Variants in TNFRSF1B observed in about 807,000 individuals in gnomAD.
TNFRSF1B encodes TNF receptor superfamily member 1B.
In TNFRSF1B, 19 loss-of-function variants were observed where a neutral mutation model predicts 44.6. That is an observed-to-expected ratio of 0.43 (90% CI 0.30 to 0.62). TNFRSF1B has a LOEUF of 0.62. TNFRSF1B is among the 20% of genes least tolerant of loss of function. The probability of loss-of-function intolerance (pLI) is 0.16; values close to 1 mark genes in which losing one functional copy is unlikely to be tolerated. For synonymous variants in TNFRSF1B, 252 were observed against 261.1 expected, an observed-to-expected ratio of 0.97 and a Z score of 0.34; for missense variants, 541 against 619.9, an observed-to-expected ratio of 0.87 and a Z score of 1.35.
intron 8 of TNFRSF1B, among the ~76,000 whole-genome samples, chr1:12,195,905 G>C (rs1004631723): frequency 2.6e-5 from 4 of 152,184 alleles, no homozygotes; most frequent in Non-Finnish European, 5.9e-5. Flanking sequence ...ACTTAAGGGA[G>C]GCCAAGGTGG....
At chr1:12,193,914 TTTG>T (rs960018818) in intron 6 of TNFRSF1B, 38 bp from the exon 7 acceptor site, 2 of 1,575,612 alleles carry the variant, frequency 1.3e-6, no homozygotes, top group Non-Finnish European at 1.7e-6. Context: ...TACATTTGAG[TTTG>T]TTTTCTGTAG....
chr1:12,205,746 C>T (rs568319494), intron 9 of TNFRSF1B, among the ~76,000 whole-genome samples: 17 of 152,154 alleles, frequency 1.1e-4, no homozygotes, highest in East Asian at 3.9e-4. Context: ...CTCAGCCTCC[C>T]GAGTAGCTGG....
At chr1:12,194,434 G>A in intron 7 of TNFRSF1B, 150 bp from the exon 8 acceptor site, 2 of 754,764 alleles carry the variant, frequency 2.6e-6, no homozygotes, top group Admixed American at 2.4e-5. Flanking sequence ...GAGTTGGGTG[G>A]GGGCTTCTGT....
At chr1:12,173,552 C>T (rs780799914) in intron 1 of TNFRSF1B, among the ~76,000 whole-genome samples, 1 of 152,156 alleles carries the variant, frequency 6.6e-6, no homozygotes, top group Non-Finnish European at 1.5e-5. Context: ...TTTTCAAGTT[C>T]GGGAGCTAGA....
chr1:12,197,653 T>C (rs888345651), intron 8 of TNFRSF1B, among the ~76,000 whole-genome samples: 4 of 152,130 alleles, frequency 2.6e-5, no homozygotes, highest in African/African-American at 9.7e-5. Flanking sequence ...TTGAATCAGG[T>C]TTATGCCTGT....
At position 12,191,827 on chromosome 1, in the gene TNFRSF1B, AGGCCCGGCT is replaced by A. The variant is rs1639140373; in HGVS notation, c.364_372del (p.Pro122_Trp124del). The A allele has an allele frequency of 6.2e-7, 1 of 1,613,226 alleles. No homozygotes were observed. Among genetic ancestry groups the A allele is most frequent in the Non-Finnish European group, 8.5e-7 (1 of 1,179,806 alleles). On this transcript the variant is annotated inframe_deletion, in exon 4 of 10. Transcript: ENST00000376259. Reference sequence around the variant, plus strand: ...GGAACAGAACCGCATCTGCACCTGCAGGCCCGGCTGGTACTGCGCGCTGAGCAAGCAGGA... The same window carrying A: ...GGAACAGAACCGCATCTGCACCTGCAGGTACTGCGCGCTGAGCAAGCAGGA...
intron 1 of TNFRSF1B, among the ~76,000 whole-genome samples, chr1:12,174,586 T>G (rs527363641): frequency 1.3e-4 from 20 of 152,180 alleles, no homozygotes; most frequent in Non-Finnish European, 2.4e-4. Flanking sequence ...GTTGGAATTG[T>G]CACCCTGGAG....
In TNFRSF1B at chr1:12,207,118, G is replaced by A. The variant is rs1639523092; in HGVS notation, c.*98G>A. ...GGTCCTTCCAGGCCCCCACCACTAG[G>A]ACTCTGAGGCTCTTTCTGGGCCAAG... On this transcript the variant is annotated 3_prime_UTR_variant, in exon 10 of 10. Coordinates refer to ENST00000376259, the MANE Select transcript of TNFRSF1B (RefSeq NM_001066.3). 7.5e-7 allele frequency: 1 copy of A among 1,337,650 alleles called. No homozygotes were observed. Among genetic ancestry groups the A allele is most frequent in the Non-Finnish European group, 1.0e-6 (1 of 1,002,978 alleles). 82.9% of individuals were successfully genotyped at this position (1,337,650 alleles called of 1,614,324 possible).
chr1:12,191,814 C>T lies in TNFRSF1B; in HGVS notation c.348C>T (p.Arg116=). The change falls in exon 4 of 10, where the codon CGC becomes CGT. Residue 116 remains arginine (R), a synonymous_variant. Coordinates refer to ENST00000376259, the MANE Select transcript of TNFRSF1B (RefSeq NM_001066.3). ...ETQACTREQN[R]ICTCRPGWYC... Reference sequence around the variant, plus strand: ...AAGCCTGCACTCGGGAACAGAACCGCATCTGCACCTGCAGGCCCGGCTGGT... The same window carrying T: ...AAGCCTGCACTCGGGAACAGAACCGTATCTGCACCTGCAGGCCCGGCTGGT... The T allele has an allele frequency of 1.2e-6, 2 of 1,613,516 alleles. No individual in the cohort carries two copies. The highest frequency in any genetic ancestry group is 1.7e-6 in the Non-Finnish European group (2 of 1,179,808).
intron 1 of TNFRSF1B, among the ~76,000 whole-genome samples, chr1:12,183,446 TTC>T (rs33995912): frequency 0.82 from 120,597 of 147,238 alleles, 49,348 homozygotes; most frequent in East Asian, 0.97. Flanking sequence ...CTTTTATCTA[TTC>T]TCTCTCTCTC....
chr1:12,177,152 C>T lies in TNFRSF1B; in HGVS notation c.78+9983C>T, dbSNP rs1638677311. Among the ~76,000 whole-genome samples, 1 of 152,002 alleles carries T rather than the reference C, an allele frequency of 6.6e-6. No individual in the cohort carries two copies. Among genetic ancestry groups the T allele is most frequent in the South Asian group, 2.1e-4 (1 of 4,824 alleles). ...CAAGTAGCTGGGACTACAGGCGTGC[C>T]CCACCACGCCTGGCTAATTTTTTGT... On this transcript the variant is annotated intron_variant, in intron 1 of 9. Transcript: ENST00000376259. This position sits in a 1 kb window ranked among gnomAD's most constrained non-coding sequence, Gnocchi z 4.3.
chr1:12,184,053 T>G (rs1051353951), intron 1 of TNFRSF1B, among the ~76,000 whole-genome samples: 1 of 152,240 alleles, frequency 6.6e-6, no homozygotes, highest in African/African-American at 2.4e-5. Flanking sequence ...TATTTCCTCA[T>G]TTTAACATGT....
At chr1:12,179,273 A>T (rs1213644744) in intron 1 of TNFRSF1B, among the ~76,000 whole-genome samples, 2 of 152,134 alleles carry the variant, frequency 1.3e-5, no homozygotes, top group Non-Finnish European at 2.9e-5. Context: ...CCTAACGCAG[A>T]TGCCATTCCT....
rs1639550789 is a variant in TNFRSF1B at position 12,208,005 on chromosome 1, T to C, written c.*985T>C. The C allele has an allele frequency of 6.6e-6, 1 of 152,118 alleles. No homozygotes were observed. The highest frequency in any genetic ancestry group is 1.5e-5 in the Non-Finnish European group (1 of 68,026). 9.4% of individuals were successfully genotyped at this position (152,118 alleles called of 1,614,324 possible). On this transcript the variant is annotated 3_prime_UTR_variant, in exon 10 of 10. Coordinates refer to ENST00000376259, the MANE Select transcript of TNFRSF1B (RefSeq NM_001066.3). The stretch of plus-strand genomic sequence containing the variant: ...CCCAGAGGGCCCAGGCAGGCCACCA[T>C]ATTCAGTGCTGTGGCCTGGGCAAGA...
At position 12,177,860 on chromosome 1, in the gene TNFRSF1B, C is replaced by T. The variant is rs1444797076; in HGVS notation, c.78+10691C>T. Among the ~76,000 whole-genome samples, 2 of 152,080 alleles carry T rather than the reference C, an allele frequency of 1.3e-5. No individual in the cohort carries two copies. The highest frequency in any genetic ancestry group is 2.4e-5 in the African/African-American group (1 of 41,390). On this transcript the variant is annotated intron_variant, in intron 1 of 9. Transcript: ENST00000376259. The surrounding 1 kb of genome is among the most constrained non-coding windows in gnomAD (Gnocchi z 4.3). The stretch of plus-strand genomic sequence containing the variant: ...TTCTTGGGTGCAATGCGCAAGAGAC[C>T]GATGCATTAACTACACAGAGTGCCC...
Position 12,206,841 on chromosome 1 carries a change from T to C in TNFRSF1B, c.1207T>C (p.Ser403Pro). ...CTCACAGTGCTCCTCCCAAGCCAGC[T>C]CCACAATGGGAGACACAGATTCCAG... ...HSSQCSSQAS[S>P]TMGDTDSSPS... is the part of the protein sequence containing the mutation. Residue 403 changes from serine to proline, a missense_variant, in exon 10 of 10, where the codon TCC (serine) becomes CCC (proline). Coordinates refer to ENST00000376259, the MANE Select transcript of TNFRSF1B (RefSeq NM_001066.3). The C allele has an allele frequency of 6.2e-7, 1 of 1,614,132 alleles. No individual in the cohort carries two copies. Among genetic ancestry groups the C allele is most frequent in the African/African-American group, 1.3e-5 (1 of 75,030 alleles).
Position 12,205,352 on chromosome 1 carries a change from G to A in TNFRSF1B, c.1106-1388G>A, listed in dbSNP as rs1205435938. Among the ~76,000 whole-genome samples the A allele has an allele frequency of 6.6e-5, 10 of 152,170 alleles. No individual in the cohort carries two copies. In the East Asian group the frequency reaches 1.5e-3, roughly 23 times the overall value. ...AGGAACCCCATCAAGGTCTTGGAGC[G>A]GCAGGAGAGGGGGTGGGAGAAGGCA... On this transcript the variant is annotated intron_variant, in intron 9 of 9. Transcript: ENST00000376259.
intron 1 of TNFRSF1B, among the ~76,000 whole-genome samples, chr1:12,179,204 C>T (rs879804431): frequency 3.3e-5 from 5 of 152,162 alleles, no homozygotes; most frequent in Non-Finnish European, 7.4e-5. Flanking sequence ...TCACAGGCAG[C>T]GAGTCGGGAG....
chr1:12,182,813 G>A (rs17882988), intron 1 of TNFRSF1B, among the ~76,000 whole-genome samples: 17,669 of 152,292 alleles, frequency 0.12, 1,286 homozygotes, highest in South Asian at 0.21. Flanking sequence ...ACAGGGTGGG[G>A]GTCTAACCCC....
Sources: gnomAD v4.1 joint callset for allele counts (sites outside exome capture counted in the v4.1 genomes callset) on GRCh38, gnomAD v4.1.1 for gene constraint, Gnocchi (gnomAD v3.1) non-coding constraint, MANE v1.5 for transcripts, NCBI Gene and HGNC (gene_info 2026-07-23, HGNC 2026-07-21) for gene names.